Variants in ERBB4 observed in about 807,000 individuals in gnomAD.
ERBB4 encodes the protein erb-b2 receptor tyrosine kinase 4.
A neutral mutation model predicts 158.0 loss-of-function variants in ERBB4; 42 were observed. The observed-to-expected ratio is 0.27, with a 90% CI of 0.21 to 0.34. The LOEUF (loss-of-function observed/expected upper bound fraction) is 0.34, where lower values mean the gene tolerates loss of function less well. Ranked by LOEUF, ERBB4 falls within the 10% of genes least tolerant of loss-of-function variation. The pLI is 1.00. For synonymous variants in ERBB4, 583 were observed against 558.7 expected (o/e 1.04, Z -0.61); for missense variants, 1,333 against 1,624.1 (o/e 0.82, Z 3.08).
chr2:212,255,101 C>A (rs1472932740), intron 1 of ERBB4, among the ~76,000 whole-genome samples: 2 of 152,054 alleles, frequency 1.3e-5, no homozygotes, highest in Non-Finnish European at 2.9e-5. Flanking sequence ...GAAGAGAGTT[C>A]AACATTTTAT....
At chr2:211,486,981 G>GT (rs201552066) in intron 20 of ERBB4, among the ~76,000 whole-genome samples, 9 of 151,640 alleles carry the variant, frequency 5.9e-5, no homozygotes, top group Admixed American at 3.9e-4. Flanking sequence ...TTTAAAATAT[G>GT]TTTTTTTCTT....
intron 2 of ERBB4, among the ~76,000 whole-genome samples, chr2:211,997,358 A>G (rs2082224434): frequency 6.6e-6 from 1 of 152,132 alleles, no homozygotes; most frequent in African/African-American, 2.4e-5. Context: ...TTGTTAAAAA[A>G]AAAATACTTC....
At chr2:212,288,085 T>G (rs1180457486) in intron 1 of ERBB4, among the ~76,000 whole-genome samples, 2 of 151,876 alleles carry the variant, frequency 1.3e-5, no homozygotes, top group Non-Finnish European at 2.9e-5. Flanking sequence ...AGGAATGAGA[T>G]GAGAAGAGAG....
At chr2:212,518,775 T>C (rs184266322) in intron 1 of ERBB4, among the ~76,000 whole-genome samples, 1 of 152,042 alleles carries the variant, frequency 6.6e-6, no homozygotes, top group Middle Eastern at 3.2e-3. Flanking sequence ...TGTGTTGAGA[T>C]AATATCTGCT....
chr2:212,468,737 T>A (rs1300109969), intron 1 of ERBB4, among the ~76,000 whole-genome samples: 2 of 152,214 alleles, frequency 1.3e-5, no homozygotes, highest in Non-Finnish European at 2.9e-5. Context: ...GCTGGGAGTA[T>A]ATCCTAGGAG....
intron 2 of ERBB4, among the ~76,000 whole-genome samples, chr2:212,014,590 T>C (rs2076464830): frequency 6.6e-6 from 1 of 152,176 alleles, no homozygotes; most frequent in African/African-American, 2.4e-5. Context: ...TATTATTTGA[T>C]CAAATCTGGG....
At position 211,433,689 on chromosome 2, in the gene ERBB4, G is replaced by A. The variant is rs545960093; in HGVS notation, c.2488-2589C>T. On this transcript the variant is annotated intron_variant, in intron 20 of 27. Coordinates refer to ENST00000342788, the MANE Select transcript of ERBB4 (RefSeq NM_005235.3). The stretch of plus-strand genomic sequence containing the variant: ...TGGATTGGACATCAATGTAGCTGAA[G>A]GCAGGAGCCACTGCCACAATACAGA... Among the ~76,000 whole-genome samples the A allele has an allele frequency of 3.9e-5, 6 of 152,294 alleles. No individual in the cohort carries two copies. The East Asian group carries it at 1.2e-3, about 29-fold the overall frequency.
At chr2:211,690,065 A>C (rs2072740092) in intron 12 of ERBB4, among the ~76,000 whole-genome samples, 1 of 148,414 alleles carries the variant, frequency 6.7e-6, no homozygotes, top group Non-Finnish European at 1.5e-5. Context: ...TCAATGTAAT[A>C]TATATTATGT....
intron 4 of ERBB4, among the ~76,000 whole-genome samples, chr2:211,784,313 G>A (rs560235030): frequency 6.6e-6 from 1 of 152,268 alleles, no homozygotes; most frequent in South Asian, 2.1e-4. Context: ...CTTTGAGTTT[G>A]ACAGTTGAGT....
At chr2:211,386,647 C>T (rs1574385886) in intron 27 of ERBB4, among the ~76,000 whole-genome samples, 1 of 152,106 alleles carries the variant, frequency 6.6e-6, no homozygotes, top group African/African-American at 2.4e-5. Flanking sequence ...ACGGGGCCTG[C>T]CTGAGATTCT....
chr2:211,827,901 C>T (rs2077137608), intron 3 of ERBB4, among the ~76,000 whole-genome samples: 1 of 152,046 alleles, frequency 6.6e-6, no homozygotes, highest in African/African-American at 2.4e-5. Context: ...ACATTGATGG[C>T]TATAAGACAC....
intron 3 of ERBB4, among the ~76,000 whole-genome samples, chr2:211,839,953 C>G (rs2077434284): frequency 6.6e-6 from 1 of 152,104 alleles, no homozygotes; most frequent in Admixed American, 6.6e-5. Context: ...TAGACTGACA[C>G]TGCCCTTACT....
At chr2:211,661,127 A>C (rs1040521336) in intron 15 of ERBB4, among the ~76,000 whole-genome samples, 1 of 152,152 alleles carries the variant, frequency 6.6e-6, no homozygotes, top group Non-Finnish European at 1.5e-5. Context: ...TTGAGATTCA[A>C]ACCTATTTTT....
chr2:212,088,102 T>C (rs2078668578), intron 2 of ERBB4, among the ~76,000 whole-genome samples: 1 of 152,140 alleles, frequency 6.6e-6, no homozygotes, highest in Non-Finnish European at 1.5e-5. Flanking sequence ...GGAAAGTTCA[T>C]CATCTAATTA....
intron 1 of ERBB4, among the ~76,000 whole-genome samples, chr2:212,285,695 T>C (rs1165474092): frequency 2.0e-5 from 3 of 152,182 alleles, no homozygotes; most frequent in African/African-American, 7.2e-5. Flanking sequence ...GGACTTACAA[T>C]ATTTTAAGAG....
intron 1 of ERBB4, among the ~76,000 whole-genome samples, chr2:212,460,998 T>G (rs187786839): frequency 3.2e-3 from 485 of 152,286 alleles, no homozygotes; most frequent in Non-Finnish European, 4.9e-3. Flanking sequence ...GCTACAATCA[T>G]GGCTGAAAGC....
At chr2:212,306,716 A>AT (rs5838315) in intron 1 of ERBB4, among the ~76,000 whole-genome samples, 115,214 of 149,880 alleles carry the variant, frequency 0.77, 46,695 homozygotes, top group Non-Finnish European at 0.89. Context: ...GCTGCCACTT[A>AT]TTTTTTTTTA....
chr2:212,255,912 C>T (rs1470865057), intron 1 of ERBB4, among the ~76,000 whole-genome samples: 1 of 151,982 alleles, frequency 6.6e-6, no homozygotes, highest in East Asian at 1.9e-4. Context: ...CCTCGAACTC[C>T]TAGGCTCAAG....
intron 2 of ERBB4, among the ~76,000 whole-genome samples, chr2:212,083,422 G>A (rs79931026): frequency 0.069 from 10,480 of 151,922 alleles, 451 homozygotes; most frequent in Middle Eastern, 0.095. Context: ...TTTAGGTCTC[G>A]AATTTTAGTA....
Sources: allele counts gnomAD v4.1 joint callset (sites outside exome capture counted in the v4.1 genomes callset), GRCh38; gene constraint gnomAD v4.1.1; transcripts MANE v1.5; gene names NCBI Gene and HGNC (gene_info 2026-07-23, HGNC 2026-07-21).